The following SLC2A13 variants were observed in gnomAD, a reference collection of about 807,000 sequenced individuals.
SLC2A13 encodes the protein solute carrier family 2 member 13.
SLC2A13 carries 32 observed loss-of-function variants against 64.4 expected under a neutral mutation model. The observed-to-expected ratio is 0.50, with a 90% confidence interval of 0.37 to 0.67. The LOEUF is 0.67. SLC2A13 is among the 30% of genes least tolerant of loss of function. The probability of loss-of-function intolerance (pLI) is 0.00; values close to 1 mark genes in which losing one functional copy is unlikely to be tolerated. For synonymous variants in SLC2A13, 338 were observed against 327.1 expected (o/e 1.03, Z -0.36); for missense variants, 743 against 829.2 (o/e 0.90, Z 1.28).
At chr12:39,984,819 A>G (rs943198900) in intron 3 of SLC2A13, among the ~76,000 whole-genome samples, 1 of 152,180 alleles carries the variant, frequency 6.6e-6, no homozygotes, top group South Asian at 2.1e-4. Context: ...TGTAAGTAGC[A>G]AAACACACAG....
chr12:39,973,202 C>CAAA, intron 3 of SLC2A13, among the ~76,000 whole-genome samples: 1 of 152,216 alleles, frequency 6.6e-6, no homozygotes, highest in Non-Finnish European at 1.5e-5. Context: ...TCTCCAACTA[C>CAAA]CTCTACTAAG....
At chr12:40,053,281 CAAAAAA>C (rs35810974) in intron 1 of SLC2A13, among the ~76,000 whole-genome samples, 5 of 69,122 alleles carry the variant, frequency 7.2e-5, no homozygotes, top group African/African-American at 1.1e-4. Flanking sequence ...GACTCCATCT[CAAAAAA>C]AAAAAAAAAA....
chr12:39,765,421 T>C (rs1940312591), intron 7 of SLC2A13, among the ~76,000 whole-genome samples: 1 of 152,054 alleles, frequency 6.6e-6, no homozygotes, highest in South Asian at 2.1e-4. Context: ...TCTTAATCCA[T>C]AGTAAAGCAA....
chr12:40,012,361 C>A (rs562478862), intron 3 of SLC2A13, among the ~76,000 whole-genome samples: 1 of 152,152 alleles, frequency 6.6e-6, no homozygotes, highest in Non-Finnish European at 1.5e-5. Context: ...CATTTGGAAA[C>A]AGATACTCTT....
intron 7 of SLC2A13, among the ~76,000 whole-genome samples, chr12:39,805,723 AG>A (rs1941957512): frequency 2.0e-5 from 3 of 152,198 alleles, no homozygotes; most frequent in South Asian, 4.1e-4. Context: ...AGGGAGTTGG[AG>A]GAGGGGCACT....
At chr12:40,089,114 AC>A (rs1431699737) in intron 1 of SLC2A13, among the ~76,000 whole-genome samples, 1 of 152,210 alleles carries the variant, frequency 6.6e-6, no homozygotes, top group East Asian at 1.9e-4. Context: ...AGAATGAATC[AC>A]TGAAAGAGTC....
At chr12:40,068,352 C>A in intron 1 of SLC2A13, 2 of 379,784 alleles carry the variant, frequency 5.3e-6, no homozygotes, top group South Asian at 3.9e-5. Flanking sequence ...TGTGCCCAGT[C>A]CAGTATTATT....
intron 4 of SLC2A13, among the ~76,000 whole-genome samples, chr12:39,900,013 C>G (rs1190490540): frequency 7.2e-5 from 11 of 152,192 alleles, no homozygotes; most frequent in African/African-American, 2.4e-4. Context: ...GGCTTCATCC[C>G]TGGGATGCAA....
intron 3 of SLC2A13, among the ~76,000 whole-genome samples, chr12:39,956,591 T>C (rs949474174): frequency 2.0e-5 from 3 of 152,122 alleles, no homozygotes; most frequent in African/African-American, 7.2e-5. Context: ...GAGCATGATA[T>C]TCCCTTAAGT....
intron 4 of SLC2A13, among the ~76,000 whole-genome samples, chr12:39,932,223 T>C (rs1945836740): frequency 1.3e-5 from 2 of 152,200 alleles, no homozygotes; most frequent in Admixed American, 6.5e-5. Context: ...TTTCCAGTTA[T>C]TTAATCAGTT....
intron 3 of SLC2A13, among the ~76,000 whole-genome samples, chr12:39,978,074 C>T (rs955967681): frequency 1.3e-5 from 2 of 152,218 alleles, no homozygotes; most frequent in Non-Finnish European, 2.9e-5. Context: ...TATCTGGCAT[C>T]TAGAGAGAAC....
intron 3 of SLC2A13, among the ~76,000 whole-genome samples, chr12:39,969,616 T>A (rs1165738726): frequency 2.6e-5 from 4 of 152,246 alleles, no homozygotes; most frequent in African/African-American, 4.8e-5. Context: ...AAGTGTCTGT[T>A]CATATCCTTT....
intron 2 of SLC2A13, among the ~76,000 whole-genome samples, chr12:40,031,935 T>C (rs182235487): frequency 7.2e-5 from 11 of 152,292 alleles, no homozygotes; most frequent in Non-Finnish European, 1.5e-4. Flanking sequence ...GACAGAGTAT[T>C]GTGATACACT....
intron 3 of SLC2A13, among the ~76,000 whole-genome samples, chr12:40,012,570 A>G (rs1344617117): frequency 6.6e-6 from 1 of 152,210 alleles, no homozygotes; most frequent in African/African-American, 2.4e-5. Flanking sequence ...TGTGACCATG[A>G]TGAACCTAAA....
intron 7 of SLC2A13, among the ~76,000 whole-genome samples, chr12:39,799,994 T>C (rs1312827846): frequency 6.6e-6 from 1 of 152,162 alleles, no homozygotes; most frequent in Non-Finnish European, 1.5e-5. Flanking sequence ...AAAATGAAGA[T>C]TGATGTCTAC....
intron 4 of SLC2A13, among the ~76,000 whole-genome samples, chr12:39,931,044 T>C (rs1301803786): frequency 6.6e-6 from 1 of 152,234 alleles, no homozygotes; most frequent in East Asian, 1.9e-4. Context: ...TGTTAATAAA[T>C]ACTGAATTTC....
At chr12:39,803,567 C>T (rs151075321) in intron 7 of SLC2A13, among the ~76,000 whole-genome samples, 3 of 152,172 alleles carry the variant, frequency 2.0e-5, no homozygotes, top group African/African-American at 7.2e-5. Flanking sequence ...CATACACACA[C>T]ATACACACAC....
chr12:39,957,040 A>G (rs12582658), intron 3 of SLC2A13, among the ~76,000 whole-genome samples: 9,575 of 152,206 alleles, frequency 0.063, 497 homozygotes, highest in East Asian at 0.31. Flanking sequence ...CCTGAATGCA[A>G]CCAGAGGCGG....
chr12:39,898,940 C>A (rs1945002865), intron 4 of SLC2A13, among the ~76,000 whole-genome samples: 2 of 152,136 alleles, frequency 1.3e-5, no homozygotes, highest in Admixed American at 6.6e-5. Flanking sequence ...ATCTAAAATT[C>A]TCTTTTTTCG....
Sources: allele counts gnomAD v4.1 joint callset (sites outside exome capture counted in the v4.1 genomes callset), GRCh38; gene constraint gnomAD v4.1.1; transcripts MANE v1.5; gene names NCBI Gene and HGNC (gene_info 2026-07-23, HGNC 2026-07-21).